The following CPSF1 variants were observed in gnomAD, a reference collection of about 807,000 sequenced individuals.
CPSF1 encodes cleavage and polyadenylation specific factor 1, also known as cleavage and polyadenylation specificity factor subunit 1.
In CPSF1, 106 loss-of-function variants were observed where a neutral mutation model predicts 175.8. The observed-to-expected ratio is 0.60, with a 90% CI of 0.52 to 0.71. The LOEUF (loss-of-function observed/expected upper bound fraction) is 0.71. Among genes scored for constraint, CPSF1 ranks in the 30% least tolerant of loss-of-function variants. The probability of loss-of-function intolerance (pLI) is 0.00; values close to 1 mark genes in which losing one functional copy is unlikely to be tolerated. For synonymous variants in CPSF1, 1,024 were observed against 858.3 expected (o/e 1.19, Z -3.37); for missense variants, 1,734 against 2,022.9 (o/e 0.86, Z 2.74).
chr8:144,397,142 G>C, intron 23 of CPSF1, 65 bp downstream of exon 23: 1 of 1,441,648 alleles, frequency 6.9e-7, no homozygotes. Flanking sequence ...AAGGGGCGGG[G>C]CTGTGGGGGA....
At chr8:144,396,089 G>A in intron 26 of CPSF1, 1 of 542,434 alleles carries the variant, frequency 1.8e-6, no homozygotes, top group Non-Finnish European at 3.3e-6. Flanking sequence ...GCCAGGCCCT[G>A]CGAGGGCTTG....
chr8:144,399,435 C>T lies in CPSF1; in HGVS notation c.1294+17G>A. 1 of 1,612,900 alleles carries T rather than the reference C, an allele frequency of 6.2e-7. No individual in the cohort carries two copies. Among genetic ancestry groups the T allele is most frequent in the Non-Finnish European group, 8.5e-7 (1 of 1,179,934 alleles). ...TCACCTGGCCCCGCTCCTGACCAGC[C>T]CTGGACCGGCCCTCACCTGACCAGC... is the stretch of plus-strand genomic sequence containing the variant. On this transcript the variant is annotated intron_variant, in intron 13 of 37. Coordinates refer to ENST00000616140, the MANE Select transcript of CPSF1 (RefSeq NM_013291.3). This position sits in a 1 kb window ranked among gnomAD's most constrained non-coding sequence, Gnocchi z 6.4.
At chr8:144,400,584 G>C in intron 7 of CPSF1, 87 bp downstream of exon 7, 1 of 1,603,658 alleles carries the variant, frequency 6.2e-7, no homozygotes, top group Non-Finnish European at 8.5e-7. Context: ...ACACCCCATA[G>C]GCCCCGCCCT....
intron 9 of CPSF1, 31 bp downstream of exon 9, chr8:144,400,135 G>GGGGGCCCGCCCC: frequency 1.1e-6 from 1 of 896,010 alleles, no homozygotes; most frequent in Non-Finnish European, 1.6e-6. Flanking sequence ...CCGTCCCCGG[G>GGGGGCCCGCCCC]CCCCCCCCGC....
chr8:144,406,925 A>G (rs1554869245), intron 2 of CPSF1, among the ~76,000 whole-genome samples: 1 of 150,704 alleles, frequency 6.6e-6, no homozygotes, highest in African/African-American at 2.4e-5. Flanking sequence ...TATTACTACT[A>G]CTTTTTTTTT....
In CPSF1 at chr8:144,393,651, CGGGGCCGGGGCTCACCGGAAGGCGCG is replaced by C; in HGVS notation, c.4135_4145+15del. 6.4e-7 allele frequency: 1 copy of C among 1,566,534 alleles called. No homozygotes were observed. Among genetic ancestry groups the C allele is most frequent in the Non-Finnish European group, 8.6e-7 (1 of 1,162,990 alleles). ...GGGTGGAGGGGGTGCTGCACGGGGG[CGGGGCCGGGGCTCACCGGAAGGCGCG>C]GGGGTTGAGGCCGGCGTGGTGTGGC... On this transcript the variant is annotated splice_donor_variant and splice_donor_5th_base_variant and coding_sequence_variant and intron_variant, in exon 36 of 38. Transcript: ENST00000616140. LOFTEE classifies it high-confidence loss of function.
rs916088982 is a variant in CPSF1, at chr8:144,401,738, C to T, written c.145-65G>A. The T allele has an allele frequency of 1.6e-5, 25 of 1,515,742 alleles. 1 individual carries two copies. Among genetic ancestry groups the T allele is most frequent in the Middle Eastern group, 4.1e-4 (2 of 4,868 alleles). The allele number at this position is 1,515,742 out of a possible 1,614,324, so 93.9% of individuals were successfully genotyped here. On this transcript the variant is annotated intron_variant, in intron 2 of 37. Coordinates refer to ENST00000616140, the MANE Select transcript of CPSF1 (RefSeq NM_013291.3). The stretch of plus-strand genomic sequence containing the variant: ...CTGGCAGCTCACCTCATCCGGGGAA[C>T]GAGAAAAGACCACCAAGCCTGGCCC...
In CPSF1 at chr8:144,395,024, C is replaced by T. The variant is rs782333292; in HGVS notation, c.3273-1G>A. The stretch of plus-strand genomic sequence containing the variant: ...ATGCTCCCACTCCTGCAGCTCGATC[C>T]TGTGGGGGCCAGGGGCCTCAGGATG... On this transcript the variant is annotated splice_acceptor_variant, in intron 29 of 37. Coordinates refer to ENST00000616140, the MANE Select transcript of CPSF1 (RefSeq NM_013291.3). LOFTEE classifies it high-confidence loss of function. 2 of 1,607,682 alleles carry T rather than the reference C, an allele frequency of 1.2e-6. No individual in the cohort carries two copies. Among genetic ancestry groups the T allele is most frequent in the African/African-American group, 1.3e-5 (1 of 74,972 alleles).
chr8:144,402,801 G>A (rs2116892759), intron 2 of CPSF1, among the ~76,000 whole-genome samples: 4 of 152,154 alleles, frequency 2.6e-5, no homozygotes, highest in African/African-American at 4.8e-5. Flanking sequence ...TGGGGCTGAC[G>A]GCACCGCAGG....
Position 144,395,198 on chromosome 8 carries a change from G to A in CPSF1, c.3188-16C>T, listed in dbSNP as rs1372789919. The A allele has an allele frequency of 3.1e-6, 5 of 1,612,764 alleles. No homozygotes were observed. Among genetic ancestry groups the A allele is most frequent in the Admixed American group, 3.3e-5 (2 of 59,930 alleles). The stretch of plus-strand genomic sequence containing the variant: ...TACCGCTCATCTGTGGGGACCAAGG[G>A]TGACAGTCAGAGTAGGGCTTCCCCA... On this transcript the variant is annotated splice_polypyrimidine_tract_variant and intron_variant, in intron 28 of 37. Transcript: ENST00000616140.
intron 2 of CPSF1, among the ~76,000 whole-genome samples, chr8:144,403,987 G>T (rs1821358924): frequency 6.6e-6 from 1 of 151,632 alleles, no homozygotes; most frequent in South Asian, 2.1e-4. Flanking sequence ...GGCCGAGGTG[G>T]GTGGATCACC....
chr8:144,397,069 G>T, intron 23 of CPSF1, 138 bp downstream of exon 23: 1 of 955,082 alleles, frequency 1.0e-6, no homozygotes, highest in Non-Finnish European at 1.6e-6. Flanking sequence ...GGGGCTGTGA[G>T]GGAGATGGGG....
chr8:144,404,184 T>C (rs1423204760), intron 2 of CPSF1, among the ~76,000 whole-genome samples: 1 of 151,478 alleles, frequency 6.6e-6, no homozygotes, highest in Admixed American at 6.6e-5. Flanking sequence ...GATCATGCCA[T>C]TGCACTCCAG....
chr8:144,404,821 C>T (rs1352674925), intron 2 of CPSF1, among the ~76,000 whole-genome samples: 1 of 151,758 alleles, frequency 6.6e-6, no homozygotes, highest in African/African-American at 2.4e-5. Flanking sequence ...CTTTGGGAGG[C>T]TGAGGCAAGC....
In CPSF1 at chr8:144,400,904, C is replaced by T; in HGVS notation, c.539+20G>A. On this transcript the variant is annotated intron_variant, in intron 6 of 37. Coordinates refer to ENST00000616140, the MANE Select transcript of CPSF1 (RefSeq NM_013291.3). ...GCGCCTCCCACCCCAGCACCACAGC[C>T]TGCCTCAGCTGGCACTCACCCCTCA... The T allele has an allele frequency of 6.2e-7, 1 of 1,602,998 alleles. No homozygotes were observed. The highest frequency in any genetic ancestry group is 8.5e-7 in the Non-Finnish European group (1 of 1,174,594).
rs575770973 is a variant in CPSF1, at chr8:144,398,100, C to A, written c.1927G>T (p.Gly643Cys). 1 of 1,607,794 alleles carries A rather than the reference C, an allele frequency of 6.2e-7. No homozygotes were observed. The highest frequency in any genetic ancestry group is 1.1e-5 in the South Asian group (1 of 90,580). Reference protein sequence around the residue: ...NQLHFIPVDLGAPIVQCAVAD... With the variant: ...NQLHFIPVDLCAPIVQCAVAD... ...ACGGCGCACTGCACGATGGGGGCGC[C>A]CAGGTCCACGGGGATGAAGTGCAGC... is the stretch of plus-strand genomic sequence containing the variant. The change falls in exon 20 of 38, where the codon GGC becomes TGC. Residue 643 changes from glycine (G) to cysteine (C), a missense_variant. This residue lies in a region of CPSF1 where 280 missense variants were observed against 349.2 expected (regional missense o/e 0.80). Transcript: ENST00000616140.
intron 9 of CPSF1, 31 bp downstream of exon 9, chr8:144,400,135 G>GGGGGGGCGCCCCCC: frequency 2.2e-6 from 2 of 896,012 alleles, no homozygotes; most frequent in Non-Finnish European, 3.2e-6. Context: ...CCGTCCCCGG[G>GGGGGGGCGCCCCCC]CCCCCCCCGC....
At chr8:144,403,254 G>A (rs1419324900) in intron 2 of CPSF1, among the ~76,000 whole-genome samples, 1 of 151,696 alleles carries the variant, frequency 6.6e-6, no homozygotes, top group African/African-American at 2.4e-5. Context: ...CCACCACCAC[G>A]TCCAGCTAAT....
In CPSF1 at chr8:144,400,134, G is replaced by GCT. The variant is rs782373475; in HGVS notation, c.937+31_937+32insAG. 4.8e-5 allele frequency: 46 copies of GCT among 966,560 alleles called. 2 individuals are homozygous for GCT. Among genetic ancestry groups the GCT allele is most frequent in the South Asian group, 3.7e-4 (23 of 62,914 alleles). The allele number at this position is 966,560 out of a possible 1,614,324, so 59.9% of individuals were successfully genotyped here. Reference sequence around the variant, plus strand: ...ACTAGGCAGGCCCAAGCCGTCCCCGGGCCCCCCCCGCCCCAGCCACCCCAC... The same window carrying GCT: ...ACTAGGCAGGCCCAAGCCGTCCCCGGCTGCCCCCCCCGCCCCAGCCACCCCAC... On this transcript the variant is annotated intron_variant, in intron 9 of 37. Coordinates refer to ENST00000616140, the MANE Select transcript of CPSF1 (RefSeq NM_013291.3).
Sources: allele counts gnomAD v4.1 joint callset (sites outside exome capture counted in the v4.1 genomes callset), GRCh38; gene constraint gnomAD v4.1.1; regional missense constraint gnomAD v4.1.1; non-coding constraint Gnocchi (gnomAD v3.1); transcripts MANE v1.5; gene names NCBI Gene and HGNC (gene_info 2026-07-23, HGNC 2026-07-21).